The following RBFOX1 variants were observed in gnomAD, a reference collection of about 807,000 sequenced individuals.
RBFOX1 encodes the protein RNA binding protein fox-1 homolog 1.
RBFOX1 carries 8 observed loss-of-function variants against 57.7 expected under a neutral mutation model. That is an observed-to-expected ratio of 0.14 (90% CI 0.08 to 0.25). The LOEUF (loss-of-function observed/expected upper bound fraction) is 0.25. Ranked by LOEUF, RBFOX1 falls within the 10% of genes least tolerant of loss-of-function variation. RBFOX1 has a pLI of 1.00. For synonymous variants in RBFOX1, 326 were observed against 222.4 expected (o/e 1.47, Z -4.15); for missense variants, 611 against 548.5 (o/e 1.11, Z -1.14).
chr16:5,240,644 A>C (rs1333942333), intron 1 of RBFOX1, among the ~76,000 whole-genome samples: 4 of 152,144 alleles, frequency 2.6e-5, no homozygotes, highest in African/African-American at 9.7e-5. Flanking sequence ...GAGGAGGCAG[A>C]TGGCTTCCAT....
Position 7,258,255 on chromosome 16 carries a change from C to G in RBFOX1, c.27+206157C>G, listed in dbSNP as rs529790363. ...CTTAAATGCATTTTCAGTTCAGTGT[C>G]CTTCTTATTAATTATTCTAGTCACT... On this transcript the variant is annotated intron_variant, in intron 4 of 15. Coordinates refer to ENST00000550418, the MANE Select transcript of RBFOX1 (RefSeq NM_018723.4). Among the ~76,000 whole-genome samples the G allele has an allele frequency of 3.3e-5, 5 of 152,292 alleles. 1 individual carries two copies. The South Asian group carries it at 1.0e-3, about 32-fold the overall frequency.
intron 3 of RBFOX1, among the ~76,000 whole-genome samples, chr16:5,606,532 C>T (rs1466168604): frequency 6.6e-6 from 1 of 152,076 alleles, no homozygotes; most frequent in African/African-American, 2.4e-5. Context: ...ATTCCACCCC[C>T]AACTCCCTAA....
chr16:6,517,889 C>G (rs2096412257), intron 2 of RBFOX1, among the ~76,000 whole-genome samples: 1 of 152,114 alleles, frequency 6.6e-6, no homozygotes, highest in South Asian at 2.1e-4. Context: ...AGTCTGGGGC[C>G]TTAATACTTG....
At chr16:5,295,909 A>G (rs1484136687) in intron 1 of RBFOX1, among the ~76,000 whole-genome samples, 1 of 152,242 alleles carries the variant, frequency 6.6e-6, no homozygotes, top group Non-Finnish European at 1.5e-5. Context: ...CTAGGACTGT[A>G]GTGCATATTA....
intron 4 of RBFOX1, among the ~76,000 whole-genome samples, chr16:7,221,217 C>G (rs544608989): frequency 4.5e-4 from 69 of 152,026 alleles, no homozygotes; most frequent in Middle Eastern, 3.4e-3. Context: ...TGTAAGTGTT[C>G]AAAAATAGTT....
rs532497179 is a variant in RBFOX1 at position 5,471,799 on chromosome 16, C to G, written c.258+4545C>G. Among the ~76,000 whole-genome samples the G allele has an allele frequency of 4.3e-4, 66 of 152,304 alleles. 1 individual carries two copies. Among genetic ancestry groups the G allele is most frequent in the Non-Finnish European group, 7.2e-4 (49 of 68,014 alleles). Reference sequence around the variant, plus strand: ...CTTGGCAGCGGTATATTTCTAGAGTCTAGCCTAGAGTGGGGATCAAGGTCC... The same window carrying G: ...CTTGGCAGCGGTATATTTCTAGAGTGTAGCCTAGAGTGGGGATCAAGGTCC... On this transcript the variant is annotated intron_variant, in intron 2 of 2. Transcript: ENST00000585867.
intron 1 of RBFOX1, among the ~76,000 whole-genome samples, chr16:6,107,965 G>C (rs1239529664): frequency 6.6e-6 from 1 of 151,900 alleles, no homozygotes; most frequent in East Asian, 1.9e-4. Flanking sequence ...TATCAATTAA[G>C]ATTAGTCTTG....
At chr16:6,021,243 C>A (rs553206172) in intron 1 of RBFOX1, among the ~76,000 whole-genome samples, 1 of 152,248 alleles carries the variant, frequency 6.6e-6, no homozygotes, top group African/African-American at 2.4e-5. Flanking sequence ...TGCAGAGAGG[C>A]CTGGCCTTGA....
intron 1 of RBFOX1, among the ~76,000 whole-genome samples, chr16:5,462,259 C>T (rs2068814012): frequency 6.6e-6 from 1 of 151,400 alleles, no homozygotes; most frequent in Non-Finnish European, 1.5e-5. Context: ...AGCTCCGCCT[C>T]CCGGGTTCAC....
chr16:5,745,988 G>A (rs1354884134), intron 3 of RBFOX1, among the ~76,000 whole-genome samples: 1 of 152,140 alleles, frequency 6.6e-6, no homozygotes, highest in Non-Finnish European at 1.5e-5. Flanking sequence ...ATTGGTTTTG[G>A]TGTTTTACAC....
At chr16:6,584,227 G>A (rs926246883) in intron 2 of RBFOX1, among the ~76,000 whole-genome samples, 9 of 151,414 alleles carry the variant, frequency 5.9e-5, no homozygotes, top group African/African-American at 2.2e-4. Context: ...GAAGTTTTAG[G>A]GCCCATCAAA....
intron 4 of RBFOX1, among the ~76,000 whole-genome samples, chr16:7,376,807 G>A (rs574262753): frequency 6.6e-6 from 1 of 152,290 alleles, no homozygotes; most frequent in South Asian, 2.1e-4. Context: ...GTCCCTTGCA[G>A]TAGAGATGGG....
intron 4 of RBFOX1, among the ~76,000 whole-genome samples, chr16:6,008,945 G>C (rs2094943484): frequency 6.6e-6 from 1 of 152,124 alleles, no homozygotes; most frequent in Non-Finnish European, 1.5e-5. Context: ...ATAGACGGAT[G>C]GCTTTCTCAT....
At chr16:7,027,217 G>C (rs989196213) in intron 3 of RBFOX1, among the ~76,000 whole-genome samples, 5 of 152,064 alleles carry the variant, frequency 3.3e-5, no homozygotes, top group African/African-American at 9.7e-5. Context: ...CCAGCGCACA[G>C]AAAAAACTCA....
At chr16:6,348,568 C>T (rs566489810) in intron 2 of RBFOX1, among the ~76,000 whole-genome samples, 80 of 152,166 alleles carry the variant, frequency 5.3e-4, no homozygotes, top group African/African-American at 1.6e-3. Flanking sequence ...TGGTTCTGCA[C>T]GCTGTACAGG....
At chr16:6,486,868 C>T (rs538629697) in intron 2 of RBFOX1, among the ~76,000 whole-genome samples, 19 of 152,154 alleles carry the variant, frequency 1.2e-4, no homozygotes, top group African/African-American at 2.6e-4. Context: ...TATGAATTCT[C>T]ATGCATAATT....
In RBFOX1 at chr16:5,672,854, G is replaced by GGT. The variant is rs3035730; in HGVS notation, c.318+73928_318+73929dup. Among the ~76,000 whole-genome samples the GGT allele has an allele frequency of 4.8e-4, 72 of 149,720 alleles. 1 individual carries two copies. Among genetic ancestry groups the GGT allele is most frequent in the Admixed American group, 1.2e-3 (18 of 15,104 alleles). On this transcript the variant is annotated intron_variant, in intron 3 of 19. Transcript: ENST00000641259. ...GGATGATCAGAAATCCTTCACCGTAGGTGTGTGTGTGTGTGTGTGTGTGTG... is the reference window on the plus strand; with the variant it reads ...GGATGATCAGAAATCCTTCACCGTAGGTGTGTGTGTGTGTGTGTGTGTGTGTG...
intron 3 of RBFOX1, among the ~76,000 whole-genome samples, chr16:6,700,063 C>T (rs1306298700): frequency 6.6e-6 from 1 of 152,088 alleles, no homozygotes; most frequent in African/African-American, 2.4e-5. Context: ...TCTCTCTCAT[C>T]AAATACTCTC....
At chr16:6,358,210 G>C (rs1313391409) in intron 2 of RBFOX1, among the ~76,000 whole-genome samples, 1 of 152,138 alleles carries the variant, frequency 6.6e-6, no homozygotes, top group Non-Finnish European at 1.5e-5. Flanking sequence ...TCCTTCATGA[G>C]ACTGTGTAAA....
Sources: gnomAD v4.1 joint callset for allele counts (sites outside exome capture counted in the v4.1 genomes callset) on GRCh38, gnomAD v4.1.1 for gene constraint, MANE v1.5 for transcripts, NCBI Gene and HGNC (gene_info 2026-07-23, HGNC 2026-07-21) for gene names.